IGF2BP3: variants seen among roughly 807,000 people sequenced by gnomAD.
IGF2BP3 encodes insulin like growth factor 2 mRNA binding protein 3, also known as insulin-like growth factor 2 mRNA-binding protein 3.
Under a neutral mutation model 73.8 loss-of-function variants are expected in IGF2BP3, and 9 were observed. The observed-to-expected ratio is 0.12, with a 90% CI of 0.07 to 0.21. The LOEUF (loss-of-function observed/expected upper bound fraction) is 0.21. Ranked by LOEUF, IGF2BP3 falls within the 10% of genes least tolerant of loss-of-function variation. The probability of loss-of-function intolerance (pLI) is 1.00; values close to 1 mark genes in which losing one functional copy is unlikely to be tolerated. For missense variants in IGF2BP3, 542 were observed against 714.0 expected (o/e 0.76, Z 2.75); for synonymous variants, 258 against 256.7 (o/e 1.01, Z -0.05).
chr7:23,425,430 G>C (rs1787480832), intron 2 of IGF2BP3, among the ~76,000 whole-genome samples: 1 of 152,122 alleles, frequency 6.6e-6, no homozygotes, highest in Admixed American at 6.6e-5. Context: ...TGCCCAGACT[G>C]GAGAGCAGTG....
intron 3 of IGF2BP3, among the ~76,000 whole-genome samples, chr7:23,399,291 C>T (rs1259309759): frequency 2.0e-5 from 3 of 151,720 alleles, no homozygotes; most frequent in African/African-American, 4.9e-5. Context: ...GTACCAAATG[C>T]TAAATGACGA....
At chr7:23,426,489 T>C (rs1226795480) in intron 2 of IGF2BP3, among the ~76,000 whole-genome samples, 1 of 152,176 alleles carries the variant, frequency 6.6e-6, no homozygotes, top group African/African-American at 2.4e-5. Flanking sequence ...TCAGATAAGA[T>C]CCATATGTGG....
chr7:23,323,432 G>A (rs1784212154), intron 10 of IGF2BP3, among the ~76,000 whole-genome samples: 1 of 144,874 alleles, frequency 6.9e-6, no homozygotes, highest in South Asian at 2.3e-4. Context: ...AGTCCTGAGT[G>A]ACCTACAAAG....
intron 10 of IGF2BP3, among the ~76,000 whole-genome samples, chr7:23,339,559 A>G (rs1289385116): frequency 1.3e-5 from 2 of 152,264 alleles, no homozygotes; most frequent in African/African-American, 4.8e-5. Flanking sequence ...CTGATGTCCA[A>G]GAATGTTCTA....
At chr7:23,428,199 C>T (rs1787567176) in intron 2 of IGF2BP3, among the ~76,000 whole-genome samples, 1 of 151,834 alleles carries the variant, frequency 6.6e-6, no homozygotes, top group South Asian at 2.1e-4. Context: ...AAGCCAGAAG[C>T]AATGGCTCAT....
chr7:23,343,841 C>A lies in IGF2BP3; in HGVS notation c.954G>T (p.Leu318Phe). ...TKITISPLQE[L>F]TLYNPERTIT... ...TAGTGCGTTCTGGATTATACAGCGTCAATTCCTGCAATCTGCAGAATGAAA... is the reference window on the plus strand; with the variant it reads ...TAGTGCGTTCTGGATTATACAGCGTAAATTCCTGCAATCTGCAGAATGAAA... The change falls in exon 9 of 15, where the codon TTG becomes TTT. Residue 318 changes from leucine to phenylalanine, a missense_variant. Leu to Phe is a conservative substitution (Grantham distance 22). Around this residue, in one of 2 missense-constraint regions of IGF2BP3, gnomAD observed 303 missense variants for 472.1 expected, o/e 0.64. Coordinates refer to ENST00000258729, the MANE Select transcript of IGF2BP3 (RefSeq NM_006547.3). 1 of 1,610,918 alleles carries A rather than the reference C, an allele frequency of 6.2e-7. No homozygotes were observed. Among genetic ancestry groups the A allele is most frequent in the South Asian group, 1.1e-5 (1 of 90,562 alleles).
At chr7:23,399,995 C>T (rs1198266081) in intron 3 of IGF2BP3, among the ~76,000 whole-genome samples, 1 of 152,132 alleles carries the variant, frequency 6.6e-6, no homozygotes, top group African/African-American at 2.4e-5. Context: ...CATATCTTTA[C>T]TTCAATGCCA....
At chr7:23,381,121 C>T (rs988845952) in intron 3 of IGF2BP3, among the ~76,000 whole-genome samples, 2 of 152,214 alleles carry the variant, frequency 1.3e-5, no homozygotes, top group Admixed American at 6.5e-5. Flanking sequence ...GACTCCCACA[C>T]AGCAATGGAG....
At chr7:23,313,374 C>T in intron 13 of IGF2BP3, 148 bp downstream of exon 13, 3 of 812,124 alleles carry the variant, frequency 3.7e-6, no homozygotes, top group Non-Finnish European at 5.8e-6. Flanking sequence ...AACACTCAGA[C>T]AGGAAACAAA....
intron 11 of IGF2BP3, chr7:23,317,973 G>T: frequency 3.9e-6 from 2 of 515,614 alleles, no homozygotes; most frequent in Admixed American, 6.2e-5. Flanking sequence ...ACGTCCTGAT[G>T]AAGTAGTATT....
intron 3 of IGF2BP3, among the ~76,000 whole-genome samples, chr7:23,364,023 G>A (rs1197994338): frequency 6.6e-6 from 1 of 152,240 alleles, no homozygotes; most frequent in African/African-American, 2.4e-5. Flanking sequence ...TGTATCACCT[G>A]AGGTCAGGAG....
chr7:23,406,087 GA>G (rs937783038), intron 3 of IGF2BP3, among the ~76,000 whole-genome samples: 5 of 150,330 alleles, frequency 3.3e-5, no homozygotes, highest in Non-Finnish European at 5.9e-5. Context: ...AAAAAAGAAA[GA>G]AAAATTGTCT....
chr7:23,411,148 C>G (rs1787005541), intron 3 of IGF2BP3, among the ~76,000 whole-genome samples: 1 of 152,178 alleles, frequency 6.6e-6, no homozygotes, highest in African/African-American at 2.4e-5. Flanking sequence ...CTGGTTATTT[C>G]TAATATTTAA....
chr7:23,333,889 A>G (rs1017036660), intron 10 of IGF2BP3, among the ~76,000 whole-genome samples: 2 of 152,194 alleles, frequency 1.3e-5, no homozygotes, highest in Non-Finnish European at 2.9e-5. Flanking sequence ...CCTTTGCTCC[A>G]ATTTCCTATC....
chr7:23,442,118 ACT>A (rs1378504543), intron 2 of IGF2BP3, among the ~76,000 whole-genome samples: 1 of 152,092 alleles, frequency 6.6e-6, no homozygotes, highest in Non-Finnish European at 1.5e-5. Context: ...CAAGAGTGAA[ACT>A]CTGTCTCAAG....
Position 23,470,379 on chromosome 7 carries a change from G to A in IGF2BP3, c.-269C>T, listed in dbSNP as rs1381569090. The A allele has an allele frequency of 1.6e-5, 4 of 247,510 alleles. No homozygotes were observed. Among genetic ancestry groups the A allele is most frequent in the Non-Finnish European group, 2.3e-5 (3 of 131,068 alleles). 15.3% of individuals were successfully genotyped at this position (247,510 alleles called of 1,614,324 possible). A position where few individuals can be genotyped will look rare whatever the true frequency, so the allele number is the denominator to read the frequency against. On this transcript the variant is annotated 5_prime_UTR_variant, in exon 1 of 15. Transcript: ENST00000258729. ...ATCCACCAGTCTTCCTAAGTCTTAG[G>A]AGGAGGCGGGATTAGCAAGAGAAAG...
intron 2 of IGF2BP3, among the ~76,000 whole-genome samples, chr7:23,421,585 G>A (rs964827491): frequency 2.0e-5 from 3 of 150,642 alleles, no homozygotes; most frequent in South Asian, 2.1e-4. Context: ...CCGGCTACTC[G>A]GGAGGCTGAG....
chr7:23,394,781 A>G (rs1436975184), intron 3 of IGF2BP3: 1 of 152,220 alleles, frequency 6.6e-6, no homozygotes. Flanking sequence ...ACAGAAACAA[A>G]GCTGTGACAA....
chr7:23,376,377 A>C (rs1032766532), intron 3 of IGF2BP3, among the ~76,000 whole-genome samples: 1 of 151,386 alleles, frequency 6.6e-6, no homozygotes, highest in South Asian at 2.1e-4. Flanking sequence ...TCTACTAAAA[A>C]TACAAAAATT....
Sources: gnomAD v4.1 joint callset for allele counts (sites outside exome capture counted in the v4.1 genomes callset) on GRCh38, gnomAD v4.1.1 for gene constraint, gnomAD v4.1.1 regional missense constraint, MANE v1.5 for transcripts, NCBI Gene and HGNC (gene_info 2026-07-23, HGNC 2026-07-21) for gene names.